Variants in PRKG1 observed in about 807,000 individuals in gnomAD.
The protein encoded by PRKG1 is protein kinase cGMP-dependent 1.
In PRKG1, 35 loss-of-function variants were observed where a neutral mutation model predicts 88.1. The ratio of observed to expected loss-of-function variants is 0.40; its 90% CI spans 0.30 to 0.53. The LOEUF is 0.53. Ranked by LOEUF, PRKG1 falls within the 20% of genes least tolerant of loss-of-function variation. The pLI is 0.59. For missense variants in PRKG1, 540 were observed against 839.8 expected (o/e 0.64, Z 4.41); for synonymous variants, 303 against 292.5 (o/e 1.04, Z -0.37).
chr10:51,697,926 C>A, intron 3 of PRKG1: 1 of 1,599,156 alleles, frequency 6.3e-7, no homozygotes, highest in Non-Finnish European at 8.5e-7. Context: ...CCTTGTATAC[C>A]TCCTCCTTGT....
intron 3 of PRKG1, among the ~76,000 whole-genome samples, chr10:51,564,243 C>A (rs1837543385): frequency 6.6e-6 from 1 of 151,784 alleles, no homozygotes; most frequent in African/African-American, 2.4e-5. Flanking sequence ...CAAAAAAACC[C>A]TTTTTCTCAC....
At chr10:51,452,458 A>G (rs981682024) in intron 2 of PRKG1, among the ~76,000 whole-genome samples, 4 of 151,882 alleles carry the variant, frequency 2.6e-5, no homozygotes, top group African/African-American at 9.7e-5. Context: ...ACCTTGAGGT[A>G]TGTCCCTTTC....
chr10:51,724,869 C>CTTTTT (rs556620255), intron 3 of PRKG1, among the ~76,000 whole-genome samples: 4 of 110,754 alleles, frequency 3.6e-5, no homozygotes, highest in African/African-American at 3.6e-5. Context: ...AATTTTTGTA[C>CTTTTT]TTTTTTTTTT....
At chr10:52,090,526 A>G (rs919563591) in intron 7 of PRKG1, among the ~76,000 whole-genome samples, 2 of 152,176 alleles carry the variant, frequency 1.3e-5, no homozygotes, top group Non-Finnish European at 2.9e-5. Flanking sequence ...GAAAATCATC[A>G]TTGGATCATC....
intron 2 of PRKG1, among the ~76,000 whole-genome samples, chr10:51,418,817 T>A (rs898134000): frequency 1.3e-5 from 2 of 152,172 alleles, no homozygotes; most frequent in African/African-American, 4.8e-5. Context: ...TATTGGGTAA[T>A]CTTGTAGGCT....
At chr10:51,858,452 C>G (rs541633155) in intron 4 of PRKG1, among the ~76,000 whole-genome samples, 2 of 92,882 alleles carry the variant, frequency 2.2e-5, no homozygotes, top group East Asian at 5.5e-4. Flanking sequence ...TTATCATTAC[C>G]TGAATAAAGT....
intron 3 of PRKG1, among the ~76,000 whole-genome samples, chr10:51,558,452 A>C (rs1050232281): frequency 1.3e-5 from 2 of 152,006 alleles, no homozygotes; most frequent in Non-Finnish European, 2.9e-5. Flanking sequence ...CATAAGTTGC[A>C]TTATATCTAC....
intron 3 of PRKG1, among the ~76,000 whole-genome samples, chr10:51,607,839 A>G (rs1838807395): frequency 6.6e-6 from 1 of 152,096 alleles, no homozygotes; most frequent in Non-Finnish European, 1.5e-5. Context: ...TATTTGATTA[A>G]AAAAAAGAAA....
At position 52,220,827 on chromosome 10, in the gene PRKG1, T is replaced by A. The variant is rs1011182349; in HGVS notation, c.1077-30743T>A. Among the ~76,000 whole-genome samples, 4 of 152,128 alleles carry A rather than the reference T, an allele frequency of 2.6e-5. No individual in the cohort carries two copies. In the South Asian group the frequency reaches 8.3e-4, roughly 32 times the overall value. On this transcript the variant is annotated intron_variant, in intron 9 of 17. Transcript: ENST00000373980. The stretch of plus-strand genomic sequence containing the variant: ...TTATCCAGTATACCGTTGATGGGCA[T>A]TTAGGTTGGTTCCATGTCTTTGCTA...
chr10:51,178,817 T>C (rs1306040354), intron 2 of PRKG1, among the ~76,000 whole-genome samples: 4 of 152,144 alleles, frequency 2.6e-5, no homozygotes, highest in Non-Finnish European at 5.9e-5. Flanking sequence ...ACATATATGA[T>C]GTAATGAAAT....
intron 3 of PRKG1, among the ~76,000 whole-genome samples, chr10:51,764,012 T>C (rs1180566380): frequency 6.6e-6 from 1 of 152,244 alleles, no homozygotes; most frequent in Non-Finnish European, 1.5e-5. Flanking sequence ...AGAGCCCTGA[T>C]GACTCAATCA....
intron 1 of PRKG1, among the ~76,000 whole-genome samples, chr10:51,006,031 G>C (rs1308168584): frequency 1.3e-5 from 2 of 152,166 alleles, no homozygotes; most frequent in African/African-American, 4.8e-5. Flanking sequence ...AAGGCTGGAG[G>C]GGGAGGTGTG....
chr10:51,152,441 C>T (rs1289254525), intron 1 of PRKG1, among the ~76,000 whole-genome samples: 2 of 152,036 alleles, frequency 1.3e-5, no homozygotes, highest in Non-Finnish European at 2.9e-5. Context: ...TTTCAAATAG[C>T]TAAGTAGGAA....
chr10:51,109,681 G>T (rs73323814), intron 1 of PRKG1, among the ~76,000 whole-genome samples: 6 of 151,904 alleles, frequency 3.9e-5, no homozygotes, highest in Non-Finnish European at 7.4e-5. Context: ...AAAACTTAGC[G>T]CACTTGGGTT....
chr10:51,317,850 T>A (rs77248058), intron 2 of PRKG1, among the ~76,000 whole-genome samples: 1,727 of 152,184 alleles, frequency 0.011, 9 homozygotes, highest in South Asian at 0.019. Context: ...CTGTCCCATC[T>A]GTTCCTCTAG....
chr10:52,272,559 A>G (rs1037038410), intron 12 of PRKG1, 78 bp downstream of exon 12: 3 of 945,590 alleles, frequency 3.2e-6, no homozygotes, highest in African/African-American at 1.7e-5. Flanking sequence ...TTAATATGAT[A>G]AAGTATAATA....
At chr10:51,658,841 G>A (rs116501474) in intron 3 of PRKG1, among the ~76,000 whole-genome samples, 5,451 of 151,924 alleles carry the variant, frequency 0.036, 137 homozygotes, top group South Asian at 0.1. Flanking sequence ...CTCTTTCCCA[G>A]GACACATTTA....
At chr10:52,277,303 C>T (rs1841896525) in intron 12 of PRKG1, among the ~76,000 whole-genome samples, 2 of 152,132 alleles carry the variant, frequency 1.3e-5, no homozygotes, top group Non-Finnish European at 2.9e-5. Context: ...CCTTGGCAGT[C>T]AGAAGCACTT....
intron 3 of PRKG1, among the ~76,000 whole-genome samples, chr10:51,512,175 A>ATTTTTTTTTTTTTTTTTTGTTTTTTTT (rs59298858): frequency 1.5e-5 from 2 of 132,802 alleles, no homozygotes; most frequent in East Asian, 2.2e-4. Flanking sequence ...ATTCTAATTA[A>ATTTTTTTTTTTTTTTTTTGTTTTTTTT]TTTTTTTTTT....
Sources: gnomAD v4.1 joint callset for allele counts (sites outside exome capture counted in the v4.1 genomes callset) on GRCh38, gnomAD v4.1.1 for gene constraint, MANE v1.5 for transcripts, NCBI Gene and HGNC (gene_info 2026-07-23, HGNC 2026-07-21) for gene names.